The following ANKS1B variants were observed in gnomAD, a reference collection of about 807,000 sequenced individuals.
ANKS1B encodes the protein ankyrin repeat and sterile alpha motif domain-containing protein 1B.
Under a neutral mutation model 148.3 loss-of-function variants are expected in ANKS1B, and 36 were observed. That is an observed-to-expected ratio of 0.24 (90% CI 0.19 to 0.32). The LOEUF (loss-of-function observed/expected upper bound fraction) is 0.32. Ranked by LOEUF, ANKS1B falls within the 10% of genes least tolerant of loss-of-function variation. The probability of loss-of-function intolerance (pLI) is 1.00; values close to 1 mark genes in which losing one functional copy is unlikely to be tolerated. For missense variants in ANKS1B, 1,157 were observed against 1,542.6 expected, an observed-to-expected ratio of 0.75 and a Z score of 4.19; for synonymous variants, 542 against 560.8, an observed-to-expected ratio of 0.97 and a Z score of 0.47.
chr12:99,316,780 T>C (rs1283732629), intron 12 of ANKS1B, among the ~76,000 whole-genome samples: 2 of 152,236 alleles, frequency 1.3e-5, no homozygotes, highest in Non-Finnish European at 2.9e-5. Flanking sequence ...CTAGGTTTTC[T>C]TTAAGGGTTT....
chr12:99,513,151 G>A (rs1002243547), intron 9 of ANKS1B, among the ~76,000 whole-genome samples: 1 of 151,858 alleles, frequency 6.6e-6, no homozygotes, highest in Non-Finnish European at 1.5e-5. Context: ...CCCTCCACCA[G>A]CAAAAAATTA....
chr12:99,308,020 T>C (rs2082591963), intron 12 of ANKS1B, among the ~76,000 whole-genome samples: 3 of 152,104 alleles, frequency 2.0e-5, no homozygotes, highest in Admixed American at 2.0e-4. Flanking sequence ...CAACCTGATC[T>C]ATCTTCTGCT....
intron 1 of ANKS1B, among the ~76,000 whole-genome samples, chr12:99,907,725 A>C (rs1416421374): frequency 1.3e-5 from 2 of 150,918 alleles, no homozygotes; most frequent in African/African-American, 2.4e-5. Context: ...TCAGACTGTA[A>C]TTTTAACAAG....
chr12:98,996,812 CAAAAAAAAAAAA>C (rs1160748107), intron 17 of ANKS1B, among the ~76,000 whole-genome samples: 4 of 40,628 alleles, frequency 9.8e-5, no homozygotes, highest in African/African-American at 2.7e-4. Context: ...GACTCTATCT[CAAAAAAAAAAAA>C]AAAAAAAAAA....
intron 9 of ANKS1B, among the ~76,000 whole-genome samples, chr12:99,527,117 C>G (rs2096934234): frequency 6.6e-6 from 1 of 152,050 alleles, no homozygotes; most frequent in African/African-American, 2.4e-5. Flanking sequence ...GAACTTCTAG[C>G]CTTTAGAACT....
At chr12:99,665,844 A>G (rs1335307368) in intron 8 of ANKS1B, among the ~76,000 whole-genome samples, 1 of 152,148 alleles carries the variant, frequency 6.6e-6, no homozygotes, top group Admixed American at 6.5e-5. Context: ...TATTCTAGAC[A>G]TACCTCCTTT....
chr12:99,788,733 C>T (rs1158200823), intron 4 of ANKS1B, among the ~76,000 whole-genome samples: 1 of 152,140 alleles, frequency 6.6e-6, no homozygotes, highest in African/African-American at 2.4e-5. Context: ...GGGGAGCCTA[C>T]TGCCCTATAG....
rs116778870 is a variant in ANKS1B at position 99,827,874 on chromosome 12, T to A, written c.135-2485A>T. Among the ~76,000 whole-genome samples the A allele has an allele frequency of 7.9e-3, 1,202 of 152,270 alleles. 16 individuals carry two copies. The highest frequency in any genetic ancestry group is 0.027 in the African/African-American group (1,137 of 41,550). On this transcript the variant is annotated intron_variant, in intron 1 of 26. Coordinates refer to ENST00000683438, the MANE Select transcript of ANKS1B (RefSeq NM_001352186.2). ...GTTATATACAAATACCACACATAAC[T>A]TACCATCAAATCATACCATACAAAT... is the stretch of plus-strand genomic sequence containing the variant.
At chr12:99,916,232 A>C (rs1473306344) in intron 1 of ANKS1B, among the ~76,000 whole-genome samples, 1 of 152,138 alleles carries the variant, frequency 6.6e-6, no homozygotes, top group Non-Finnish European at 1.5e-5. Flanking sequence ...TTCTCCAATA[A>C]TTCTTTAAGG....
chr12:99,655,303 C>A (rs1598949525), intron 8 of ANKS1B, 93 bp from the exon 9 acceptor site: 1 of 1,190,058 alleles, frequency 8.4e-7, no homozygotes, highest in Non-Finnish European at 1.2e-6. Flanking sequence ...AGTGGTATAT[C>A]TCGGCAAACA....
intron 15 of ANKS1B, among the ~76,000 whole-genome samples, chr12:99,141,181 GT>G (rs1188221825): frequency 6.6e-6 from 1 of 152,056 alleles, no homozygotes; most frequent in Non-Finnish European, 1.5e-5. Context: ...AGTCTCTCCT[GT>G]TTTAAAAAAT....
At chr12:99,618,173 G>A (rs902693726) in intron 9 of ANKS1B, among the ~76,000 whole-genome samples, 3 of 152,038 alleles carry the variant, frequency 2.0e-5, no homozygotes, top group African/African-American at 7.2e-5. Context: ...TCCCAGGGAG[G>A]CCTCCATTTA....
intron 23 of ANKS1B, 137 bp from the exon 24 acceptor site, chr12:98,781,340 AC>A (rs2098733911): frequency 2.9e-6 from 2 of 685,204 alleles, no homozygotes; most frequent in Non-Finnish European, 5.3e-6. Flanking sequence ...ACACACACAC[AC>A]ATCAGATACA....
chr12:99,073,472 A>G (rs922155519), intron 16 of ANKS1B, among the ~76,000 whole-genome samples: 1 of 152,236 alleles, frequency 6.6e-6, no homozygotes, highest in African/African-American at 2.4e-5. Context: ...TTACTTATTG[A>G]AACAGCACAG....
At chr12:98,848,756 T>TTTTTTTTTTTTTTTTTTTTTAG (rs1567129301) in intron 17 of ANKS1B, among the ~76,000 whole-genome samples, 1 of 140,508 alleles carries the variant, frequency 7.1e-6, no homozygotes, top group Non-Finnish European at 1.5e-5. Flanking sequence ...TTTTTTTTTT[T>TTTTTTTTTTTTTTTTTTTTTAG]GAGACGGAGT....
In ANKS1B at chr12:99,042,018, CAAAACAAAACAAAAT is replaced by C. The variant is rs569695988; in HGVS notation, c.2778+11124_2778+11138del. 7.7e-3 allele frequency among the ~76,000 whole-genome samples: 1,175 copies of C among 151,878 alleles called. 15 individuals are homozygous for C. The highest frequency in any genetic ancestry group is 0.027 in the African/African-American group (1,115 of 41,384). ...CTGTCTCGAAACAACAACAACAAAA[CAAAACAAAACAAAAT>C]AAAACAAAAAAACCCATAAAACACC... On this transcript the variant is annotated intron_variant, in intron 17 of 26. Coordinates refer to ENST00000683438, the MANE Select transcript of ANKS1B (RefSeq NM_001352186.2).
intron 8 of ANKS1B, among the ~76,000 whole-genome samples, chr12:99,697,120 C>T (rs2054052230): frequency 6.6e-6 from 1 of 152,170 alleles, no homozygotes; most frequent in Non-Finnish European, 1.5e-5. Flanking sequence ...AACTCTCATT[C>T]ATTACTGTGG....
At chr12:99,114,075 T>C (rs2060841381) in intron 15 of ANKS1B, among the ~76,000 whole-genome samples, 1 of 152,218 alleles carries the variant, frequency 6.6e-6, no homozygotes. Context: ...AAGGAACTCA[T>C]ATATGTTTAT....
intron 12 of ANKS1B, among the ~76,000 whole-genome samples, chr12:99,306,177 A>G (rs1475292169): frequency 1.3e-5 from 2 of 152,026 alleles, no homozygotes; most frequent in African/African-American, 4.8e-5. Flanking sequence ...CAGTTATTGG[A>G]GGAGTTGTTA....
Sources: allele counts gnomAD v4.1 joint callset (sites outside exome capture counted in the v4.1 genomes callset), GRCh38; gene constraint gnomAD v4.1.1; transcripts MANE v1.5; gene names NCBI Gene and HGNC (gene_info 2026-07-23, HGNC 2026-07-21).